SYCP1: variants seen among roughly 807,000 people sequenced by gnomAD.
SYCP1 encodes the protein cancer/testis antigen 8.
Under a neutral mutation model 153.1 loss-of-function variants are expected in SYCP1, and 64 were observed. The observed-to-expected ratio is 0.42, with a 90% CI of 0.34 to 0.51. The LOEUF (loss-of-function observed/expected upper bound fraction) is 0.51. Ranked by LOEUF, SYCP1 falls within the 20% of genes least tolerant of loss-of-function variation. SYCP1 has a pLI of 0.06. For missense variants in SYCP1, 997 were observed against 1,049.0 expected (o/e 0.95, Z 0.68); for synonymous variants, 384 against 341.8 (o/e 1.12, Z -1.36).
Position 114,926,316 on chromosome 1 carries a change from G to A in SYCP1, c.1839G>A (p.Lys613=). The change falls in exon 22 of 32, where the codon AAG becomes AAA. Residue 613 remains lysine, a synonymous_variant. Coordinates refer to ENST00000369522, the MANE Select transcript of SYCP1 (RefSeq NM_003176.4). ...GGAAACAAGTTGAAAATAAAAACAA[G>A]TATATTGAAGAACTTCAGCAGGAGG... is the stretch of plus-strand genomic sequence containing the variant. ...NLRKQVENKN[K]YIEELQQENK... is the part of the protein sequence containing the mutation. The A allele has an allele frequency of 2.6e-6, 4 of 1,529,310 alleles. No individual in the cohort carries two copies. The South Asian group carries it at 3.9e-5, about 15-fold the overall frequency. 94.7% of individuals were successfully genotyped at this position (1,529,310 alleles called of 1,614,324 possible). A position where few individuals can be genotyped will look rare whatever the true frequency, so the allele number is the denominator to read the frequency against.
chr1:114,875,461 G>A lies in SYCP1; in HGVS notation c.658-608G>A, dbSNP rs186149417. 2.9e-4 allele frequency among the ~76,000 whole-genome samples: 44 copies of A among 151,910 alleles called. 1 individual carries two copies. In the East Asian group the frequency reaches 8.0e-3, roughly 27 times the overall value. On this transcript the variant is annotated intron_variant, in intron 9 of 31. Transcript: ENST00000369522. The stretch of plus-strand genomic sequence containing the variant: ...TTTTTAGTGGAGACGGGGTTTCACC[G>A]TGTTAGCCAGGATGGTGTCCATCTC...
intron 12 of SYCP1, among the ~76,000 whole-genome samples, chr1:114,882,261 T>C (rs1189076184): frequency 6.6e-6 from 1 of 152,164 alleles, no homozygotes; most frequent in East Asian, 1.9e-4. Flanking sequence ...CCTTCATTAA[T>C]TTTCTAACTC....
chr1:114,982,039 T>C (rs936415971), intron 29 of SYCP1, among the ~76,000 whole-genome samples: 1 of 152,034 alleles, frequency 6.6e-6, no homozygotes, highest in Non-Finnish European at 1.5e-5. Flanking sequence ...GTCTTTCATA[T>C]AGCCACTTAA....
intron 12 of SYCP1, among the ~76,000 whole-genome samples, chr1:114,880,353 T>C (rs920107551): frequency 3.9e-5 from 6 of 152,230 alleles, no homozygotes; most frequent in African/African-American, 1.4e-4. Context: ...TTTTACTTTT[T>C]CTTTTTTATT....
At chr1:114,872,154 T>G (rs1400587927) in intron 8 of SYCP1, among the ~76,000 whole-genome samples, 1 of 152,074 alleles carries the variant, frequency 6.6e-6, no homozygotes, top group African/African-American at 2.4e-5. Flanking sequence ...TGCTCTTTTT[T>G]TTCTTTATAG....
intron 8 of SYCP1, among the ~76,000 whole-genome samples, chr1:114,873,149 T>C (rs192228049): frequency 5.9e-4 from 90 of 152,350 alleles, no homozygotes; most frequent in Non-Finnish European, 7.3e-5. Context: ...CTTAACTGTA[T>C]CAGAGTCTGG....
At position 114,859,828 on chromosome 1, in the gene SYCP1, G is replaced by T; in HGVS notation, c.524+18G>T. On this transcript the variant is annotated intron_variant, in intron 7 of 31. Transcript: ENST00000369522. The stretch of plus-strand genomic sequence containing the variant: ...ATAAAAGAGTAAGTAGTAATTTAAT[G>T]AATTTGTTCTTTTCACATTTTTTAT... 1 of 663,198 alleles carries T rather than the reference G, an allele frequency of 1.5e-6. No homozygotes were observed. Among genetic ancestry groups the T allele is most frequent in the Non-Finnish European group, 2.2e-6 (1 of 462,962 alleles). The allele number at this position is 663,198 out of a possible 1,614,324, so 41.1% of individuals were successfully genotyped here.
At chr1:114,855,203 C>CA in intron 1 of SYCP1, 185 bp downstream of exon 1, 1 of 222,974 alleles carries the variant, frequency 4.5e-6, no homozygotes, top group Admixed American at 5.7e-5. Context: ...AACGGGCTTT[C>CA]TTTTCAGGCC....
chr1:114,871,993 T>C (rs898622969), intron 8 of SYCP1, among the ~76,000 whole-genome samples: 10 of 149,760 alleles, frequency 6.7e-5, no homozygotes, highest in Non-Finnish European at 8.9e-5. Context: ...TGCTCTTTTT[T>C]TTCTTTCTTT....
At chr1:114,955,495 T>C (rs1288522832) in intron 27 of SYCP1, among the ~76,000 whole-genome samples, 1 of 152,232 alleles carries the variant, frequency 6.6e-6, no homozygotes, top group African/African-American at 2.4e-5. Context: ...TTCTGTTTGG[T>C]AGACTGGTAG....
At chr1:114,915,238 TG>T (rs1668446519) in intron 20 of SYCP1, among the ~76,000 whole-genome samples, 2 of 152,156 alleles carry the variant, frequency 1.3e-5, no homozygotes, top group African/African-American at 2.4e-5. Context: ...AATAAAAGGT[TG>T]TTTTTTTGTA....
Position 114,864,129 on chromosome 1 carries a change from TA to T in SYCP1, c.598+3333del, listed in dbSNP as rs766421366. On this transcript the variant is annotated intron_variant, in intron 8 of 31. Coordinates refer to ENST00000369522, the MANE Select transcript of SYCP1 (RefSeq NM_003176.4). ...CATTCTGCACATGTATCCCAGAACT[TA>T]AAAAAAAAAAAAGAGTATACAGTCT... 2.4e-3 allele frequency among the ~76,000 whole-genome samples: 343 copies of T among 140,134 alleles called. 2 individuals carry two copies. Among genetic ancestry groups the T allele is most frequent in the East Asian group, 4.3e-3 (21 of 4,870 alleles). 91.9% of individuals were successfully genotyped at this position (140,134 alleles called of 152,430 possible). A position where few individuals can be genotyped will look rare whatever the true frequency, so the allele number is the denominator to read the frequency against.
chr1:114,953,210 A>G (rs763368849), intron 27 of SYCP1, among the ~76,000 whole-genome samples: 7 of 152,250 alleles, frequency 4.6e-5, no homozygotes, highest in Non-Finnish European at 8.8e-5. Context: ...GGAGGGTACA[A>G]ACATTCAAAC....
chr1:114,977,522 TTA>T, intron 27 of SYCP1, 33 bp from the exon 28 acceptor site: 1 of 1,238,366 alleles, frequency 8.1e-7, no homozygotes, highest in Non-Finnish European at 1.1e-6. Flanking sequence ...ATTGTGATGT[TTA>T]TGTTACTTGT....
At chr1:114,877,316 T>G (rs1453871720) in intron 11 of SYCP1, among the ~76,000 whole-genome samples, 1 of 152,178 alleles carries the variant, frequency 6.6e-6, no homozygotes, top group Non-Finnish European at 1.5e-5. Context: ...TAACTCTATA[T>G]CCTTTGGCAT....
intron 29 of SYCP1, among the ~76,000 whole-genome samples, chr1:114,983,644 G>A (rs1394359714): frequency 6.6e-6 from 1 of 151,994 alleles, no homozygotes; most frequent in Non-Finnish European, 1.5e-5. Context: ...ATAACATAGA[G>A]CTAGAGCAGG....
chr1:114,862,591 G>C (rs1401256353), intron 8 of SYCP1, among the ~76,000 whole-genome samples: 1 of 151,664 alleles, frequency 6.6e-6, no homozygotes, highest in African/African-American at 2.4e-5. Flanking sequence ...CACCTGCCTC[G>C]GCCTCCCAAA....
At chr1:114,866,222 G>A (rs902033858) in intron 8 of SYCP1, among the ~76,000 whole-genome samples, 5 of 152,138 alleles carry the variant, frequency 3.3e-5, no homozygotes, top group African/African-American at 9.7e-5. Flanking sequence ...GGATCACATG[G>A]TAAAAGTATG....
At chr1:114,975,515 T>C (rs1672751208) in intron 27 of SYCP1, among the ~76,000 whole-genome samples, 1 of 151,774 alleles carries the variant, frequency 6.6e-6, no homozygotes, top group South Asian at 2.1e-4. Flanking sequence ...TCAAGATTGA[T>C]AAAAATGTAT....
Sources: gnomAD v4.1 joint callset for allele counts (sites outside exome capture counted in the v4.1 genomes callset) on GRCh38, gnomAD v4.1.1 for gene constraint, MANE v1.5 for transcripts, NCBI Gene and HGNC (gene_info 2026-07-23, HGNC 2026-07-21) for gene names.